PRKAG2: variants seen among roughly 807,000 people sequenced by gnomAD.
The protein encoded by PRKAG2 is 5'-AMP-activated protein kinase subunit gamma-2.
Under a neutral mutation model 69.6 loss-of-function variants are expected in PRKAG2, and 26 were observed. That is an observed-to-expected ratio of 0.37 (90% CI 0.27 to 0.52). The LOEUF (loss-of-function observed/expected upper bound fraction) is 0.52, where lower values mean the gene tolerates loss of function less well. Ranked by LOEUF, PRKAG2 falls within the 20% of genes least tolerant of loss-of-function variation. The pLI, the probability that PRKAG2 is intolerant of heterozygous loss-of-function variation, is 0.90. For missense variants in PRKAG2, 557 were observed against 740.0 expected, an observed-to-expected ratio of 0.75 and a Z score of 2.87; for synonymous variants, 293 against 285.0, an observed-to-expected ratio of 1.03 and a Z score of -0.28.
chr7:151,789,485 C>T (rs1272597717), intron 1 of PRKAG2, among the ~76,000 whole-genome samples: 2 of 152,180 alleles, frequency 1.3e-5, no homozygotes, highest in East Asian at 1.9e-4. Context: ...TTCAGCCTTC[C>T]CTGTTTGGAT....
At chr7:151,557,353 G>T in intron 15 of PRKAG2, 121 bp from the exon 16 acceptor site, 1 of 1,605,720 alleles carries the variant, frequency 6.2e-7, no homozygotes, top group Non-Finnish European at 8.5e-7. Context: ...CTTCGGAGGA[G>T]GGCGATGTGG....
rs10265759 is a variant in PRKAG2, at chr7:151,578,884, A to G, written c.865-2432T>C. On this transcript the variant is annotated intron_variant, in intron 6 of 15. Transcript: ENST00000287878. ...TGATTGTGGTCCTAGAATATATTAT[A>G]GAAGAATATAGTGGAAAAGTCGCAT... Among the ~76,000 whole-genome samples, 252 of 152,370 alleles carry G rather than the reference A, an allele frequency of 1.7e-3. 1 individual carries two copies. Among genetic ancestry groups the G allele is most frequent in the African/African-American group, 5.6e-3 (232 of 41,584 alleles).
In PRKAG2 at chr7:151,565,772, C is replaced by T. The variant is rs1806106223; in HGVS notation, c.1347G>A (p.Leu449=). ...ATATTCGTCTTTCCACAAATATGTT[C>T]AAGGCTTTGATGATGGGAGTGTCTG... is the stretch of plus-strand genomic sequence containing the variant. ...IHPDTPIIKA[L]NIFVERRISA... is the part of the protein sequence containing the mutation. The change falls in exon 12 of 16, where the codon TTG becomes TTA. Residue 449 remains leucine (L), a synonymous_variant. Coordinates refer to ENST00000287878, the MANE Select transcript of PRKAG2 (RefSeq NM_016203.4). The T allele has an allele frequency of 6.2e-7, 1 of 1,613,802 alleles. No individual in the cohort carries two copies. Among genetic ancestry groups the T allele is most frequent in the Non-Finnish European group, 8.5e-7 (1 of 1,179,700 alleles).
intron 1 of PRKAG2, among the ~76,000 whole-genome samples, chr7:151,802,535 G>C (rs114623384): frequency 1.4e-5 from 2 of 145,766 alleles, no homozygotes; most frequent in African/African-American, 4.9e-5. Flanking sequence ...ACTCCCCACG[G>C]CCCACCTGGC....
At chr7:151,869,243 G>A (rs2080155682) in intron 1 of PRKAG2, among the ~76,000 whole-genome samples, 1 of 152,194 alleles carries the variant, frequency 6.6e-6, no homozygotes, top group Non-Finnish European at 1.5e-5. Flanking sequence ...ACTCGAGCTG[G>A]GAAATCATGA....
chr7:151,570,587 T>C (rs1326574544), intron 9 of PRKAG2, among the ~76,000 whole-genome samples: 1 of 152,196 alleles, frequency 6.6e-6, no homozygotes, highest in Non-Finnish European at 1.5e-5. Flanking sequence ...ATTATGAAAT[T>C]TAAAAAATCA....
intron 5 of PRKAG2, among the ~76,000 whole-genome samples, chr7:151,618,064 G>A (rs555693475): frequency 6.6e-6 from 1 of 152,330 alleles, no homozygotes; most frequent in South Asian, 2.1e-4. Context: ...GCTCATGGCT[G>A]TAATCCTAGT....
chr7:151,573,341 T>G (rs1047988930), intron 8 of PRKAG2, among the ~76,000 whole-genome samples: 2 of 126,866 alleles, frequency 1.6e-5, no homozygotes, highest in African/African-American at 6.2e-5. Context: ...GGGTTTTTTT[T>G]TTTTTTTTTT....
intron 3 of PRKAG2, among the ~76,000 whole-genome samples, chr7:151,702,543 G>T (rs1837898631): frequency 6.6e-6 from 1 of 152,186 alleles, no homozygotes; most frequent in Admixed American, 6.5e-5. Flanking sequence ...CTCCCCATCT[G>T]CCAGGAAGCC....
chr7:151,811,845 G>A (rs1040228508), intron 1 of PRKAG2, among the ~76,000 whole-genome samples: 6 of 152,190 alleles, frequency 3.9e-5, no homozygotes, highest in African/African-American at 9.7e-5. Flanking sequence ...CATTCACCAT[G>A]TGGCTCATAA....
intron 3 of PRKAG2, among the ~76,000 whole-genome samples, chr7:151,678,229 AAAGT>A (rs1348899557): frequency 1.3e-5 from 2 of 152,132 alleles, no homozygotes; most frequent in African/African-American, 4.8e-5. Flanking sequence ...ACCAAACATA[AAAGT>A]ATGTAAGTCC....
intron 4 of PRKAG2, among the ~76,000 whole-genome samples, chr7:151,640,276 C>T (rs1203380848): frequency 1.3e-5 from 2 of 152,196 alleles, no homozygotes; most frequent in East Asian, 1.9e-4. Flanking sequence ...TGCCACTGCA[C>T]TCTTGCCTGA....
chr7:151,793,715 CCT>C (rs1323747234), intron 1 of PRKAG2, among the ~76,000 whole-genome samples: 1 of 152,206 alleles, frequency 6.6e-6, no homozygotes, highest in Non-Finnish European at 1.5e-5. Flanking sequence ...GGGGGAGGTG[CCT>C]CTGGACAGGC....
intron 9 of PRKAG2, 33 bp downstream of exon 9, chr7:151,572,631 A>C (rs1464383754): frequency 6.6e-7 from 1 of 1,519,016 alleles, no homozygotes; most frequent in South Asian, 1.2e-5. Flanking sequence ...CTTTCCCGAT[A>C]CTAAAAGATT....
At chr7:151,855,511 C>CCACTTTACACACA in intron 1 of PRKAG2, among the ~76,000 whole-genome samples, 3 of 79,104 alleles carry the variant, frequency 3.8e-5, no homozygotes, top group Admixed American at 1.1e-4. Flanking sequence ...TCCACACACA[C>CCACTTTACACACA]CGCCCTCCAC....
intron 3 of PRKAG2, among the ~76,000 whole-genome samples, chr7:151,705,622 T>C (rs961346115): frequency 2.6e-5 from 4 of 152,134 alleles, no homozygotes; most frequent in South Asian, 2.1e-4. Context: ...CAAAGGCCCA[T>C]AAAGAAAGCA....
intron 2 of PRKAG2, among the ~76,000 whole-genome samples, chr7:151,783,975 A>C (rs542888328): frequency 6.7e-6 from 1 of 149,326 alleles, no homozygotes; most frequent in Admixed American, 6.7e-5. Flanking sequence ...CTGTGTGTGC[A>C]GGTCTAGGGT....
chr7:151,845,516 C>G (rs1297698629), intron 1 of PRKAG2, among the ~76,000 whole-genome samples: 1 of 152,142 alleles, frequency 6.6e-6, no homozygotes, highest in Non-Finnish European at 1.5e-5. Flanking sequence ...TTGAGAACCA[C>G]CAGCCTAACT....
At chr7:151,792,164 C>T (rs1384658572) in intron 1 of PRKAG2, among the ~76,000 whole-genome samples, 1 of 152,184 alleles carries the variant, frequency 6.6e-6, no homozygotes, top group Non-Finnish European at 1.5e-5. Context: ...ATCCTTGGCA[C>T]AGTGTGACCT....
Sources: allele counts gnomAD v4.1 joint callset (sites outside exome capture counted in the v4.1 genomes callset), GRCh38; gene constraint gnomAD v4.1.1; transcripts MANE v1.5; gene names NCBI Gene and HGNC (gene_info 2026-07-23, HGNC 2026-07-21).